Variants in ZNF735 observed in about 807,000 individuals in gnomAD.
ZNF735 encodes the protein zinc finger protein 735.
ZNF735 carries 11 observed loss-of-function variants against 13.4 expected under a neutral mutation model. The ratio of observed to expected loss-of-function variants is 0.82; its 90% CI spans 0.52 to 1.36. The LOEUF (loss-of-function observed/expected upper bound fraction) is 1.36. Ranked by LOEUF, ZNF735 falls within the 40% of genes most tolerant of loss-of-function variation. The probability of loss-of-function intolerance (pLI) is 0.00; values close to 1 mark genes in which losing one functional copy is unlikely to be tolerated. For synonymous variants in ZNF735, 171 were observed against 162.6 expected, an observed-to-expected ratio of 1.05 and a Z score of -0.39; for missense variants, 500 against 484.6, an observed-to-expected ratio of 1.03 and a Z score of -0.30.
intron 1 of ZNF735, among the ~76,000 whole-genome samples, chr7:64,209,805 A>G (rs1017520236): frequency 1.3e-5 from 2 of 152,110 alleles, no homozygotes; most frequent in African/African-American, 4.8e-5. Flanking sequence ...AGTGATATAC[A>G]TTTTGTTCTT....
intron 3 of ZNF735, among the ~76,000 whole-genome samples, chr7:64,215,193 C>T (rs1787405694): frequency 6.6e-5 from 10 of 151,870 alleles, no homozygotes. Flanking sequence ...TCCTGAGTAC[C>T]TGGGATCAGG....
chr7:64,212,389 A>G (rs1220834040), intron 1 of ZNF735, among the ~76,000 whole-genome samples: 1 of 152,218 alleles, frequency 6.6e-6, no homozygotes, highest in Non-Finnish European at 1.5e-5. Context: ...CAAAATATTT[A>G]GTTTATTGCA....
intron 3 of ZNF735, among the ~76,000 whole-genome samples, chr7:64,214,671 T>C (rs2116484521): frequency 6.6e-6 from 1 of 152,198 alleles, no homozygotes; most frequent in South Asian, 2.1e-4. Context: ...CGATACTTGC[T>C]GTAGGGGGAT....
chr7:64,208,510 G>C (rs1168344502), intron 1 of ZNF735, among the ~76,000 whole-genome samples: 2 of 152,162 alleles, frequency 1.3e-5, no homozygotes, highest in Admixed American at 6.5e-5. Flanking sequence ...GCCTGCCTCA[G>C]CCTCCCAACA....
chr7:64,217,663 G>A (rs190479964), intron 3 of ZNF735, among the ~76,000 whole-genome samples: 2 of 151,768 alleles, frequency 1.3e-5, no homozygotes. Flanking sequence ...CTAGTAAATG[G>A]ACTCATTTTA....
chr7:64,213,258 G>A lies in ZNF735; in HGVS notation c.166+40G>A, dbSNP rs376254850. 2.9e-5 allele frequency: 45 copies of A among 1,536,818 alleles called. No homozygotes were observed. In the African/African-American group the frequency reaches 4.6e-4, roughly 16 times the overall value. ...AATACATAATTCCTAATATATTGCC[G>A]TTCTCTCTTTTCTAAGATGATTTTG... On this transcript the variant is annotated intron_variant, in intron 2 of 3. Coordinates refer to ENST00000429565, the Ensembl canonical transcript of ZNF735.
intron 3 of ZNF735, among the ~76,000 whole-genome samples, chr7:64,217,679 A>G (rs1787438398): frequency 6.6e-6 from 1 of 152,014 alleles, no homozygotes; most frequent in Non-Finnish European, 1.5e-5. Flanking sequence ...TTTTACTATT[A>G]TATAATATCA....
chr7:64,218,211 AT>A (rs1182548839), intron 3 of ZNF735, among the ~76,000 whole-genome samples: 1 of 146,814 alleles, frequency 6.8e-6, no homozygotes, highest in Non-Finnish European at 1.5e-5. Flanking sequence ...CACTGTGAAG[AT>A]TTTTTTTCAG....
intron 1 of ZNF735, among the ~76,000 whole-genome samples, chr7:64,209,150 A>G (rs1299485295): frequency 6.6e-6 from 1 of 151,612 alleles, no homozygotes; most frequent in East Asian, 1.9e-4. Context: ...TGTTTTTCTC[A>G]ATGGTTAAAC....
intron 2 of ZNF735, 81 bp from the exon 3 acceptor site, chr7:64,213,932 C>T: frequency 7.6e-7 from 1 of 1,310,954 alleles, no homozygotes; most frequent in Non-Finnish European, 1.0e-6. Context: ...GCACTCCAGC[C>T]TGAGCGACAG....
chr7:64,220,267 G>C (rs1242857789), exon 4 of ZNF735: 1 of 1,610,818 alleles, frequency 6.2e-7, no homozygotes, highest in Admixed American at 1.7e-5. Flanking sequence ...TCACACTGGA[G>C]AGAAACCCTA....
At chr7:64,217,401 T>C (rs1028921229) in intron 3 of ZNF735, among the ~76,000 whole-genome samples, 41 of 152,194 alleles carry the variant, frequency 2.7e-4, no homozygotes, top group Admixed American at 1.3e-3. Flanking sequence ...AGCATTGTTT[T>C]CTCAGGTTGT....
At chr7:64,213,172 A>G in exon 2 of ZNF735, 2 of 1,612,640 alleles carry the variant, frequency 1.2e-6, no homozygotes, top group South Asian at 1.1e-5. Context: ...AGCAGAATTT[A>G]TATAGAGATG....
intron 1 of ZNF735, 29 bp from the exon 2 acceptor site, chr7:64,213,063 T>G (rs776511099): frequency 4.6e-5 from 73 of 1,592,820 alleles, no homozygotes; most frequent in Non-Finnish European, 6.2e-5. Context: ...TAAGTGTGTG[T>G]TCATGAGGTT....
At chr7:64,219,845 G>T in exon 4 of ZNF735, 1 of 1,613,702 alleles carries the variant, frequency 6.2e-7, no homozygotes, top group South Asian at 1.1e-5. Flanking sequence ...ATTCACACTG[G>T]AGAGAAACCC....
At chr7:64,212,828 C>A (rs1787376713) in intron 1 of ZNF735, among the ~76,000 whole-genome samples, 1 of 151,568 alleles carries the variant, frequency 6.6e-6, no homozygotes, top group Non-Finnish European at 1.5e-5. Flanking sequence ...AAGGACAAGT[C>A]CATGTTGATG....
chr7:64,211,727 G>A (rs1478301677), intron 1 of ZNF735, among the ~76,000 whole-genome samples: 1 of 151,748 alleles, frequency 6.6e-6, no homozygotes, highest in African/African-American at 2.4e-5. Flanking sequence ...ATAGCCAAGT[G>A]TAGTGCCATG....
At chr7:64,216,317 A>G (rs1348223017) in intron 3 of ZNF735, among the ~76,000 whole-genome samples, 1 of 152,080 alleles carries the variant, frequency 6.6e-6, no homozygotes, top group East Asian at 1.9e-4. Flanking sequence ...AATTTAAACA[A>G]TATTTCAATA....
chr7:64,207,816 A>G (rs1304942332), intron 1 of ZNF735, among the ~76,000 whole-genome samples: 1 of 152,074 alleles, frequency 6.6e-6, no homozygotes, highest in Non-Finnish European at 1.5e-5. Flanking sequence ...GTAAAACCCC[A>G]TCTCTACTAA....
Sources: gnomAD v4.1 joint callset for allele counts (sites outside exome capture counted in the v4.1 genomes callset) on GRCh38, gnomAD v4.1.1 for gene constraint, MANE v1.5 for transcripts, NCBI Gene and HGNC (gene_info 2026-07-23, HGNC 2026-07-21) for gene names.